ATF7: variants seen among roughly 807,000 people sequenced by gnomAD.
The protein encoded by ATF7 is activating transcription factor 7.
ATF7 carries 10 observed loss-of-function variants against 50.4 expected under a neutral mutation model. The observed-to-expected ratio is 0.20, with a 90% CI of 0.12 to 0.34. The LOEUF is 0.34. ATF7 is among the 10% of genes least tolerant of loss of function. The pLI, the probability that ATF7 is intolerant of heterozygous loss-of-function variation, is 1.00. For synonymous variants in ATF7, 201 were observed against 226.4 expected (o/e 0.89, Z 1.01); for missense variants, 465 against 613.9 (o/e 0.76, Z 2.56).
intron 2 of ATF7, among the ~76,000 whole-genome samples, chr12:53,585,783 C>A (rs1396118512): frequency 6.6e-6 from 1 of 152,038 alleles, no homozygotes; most frequent in Non-Finnish European, 1.5e-5. Flanking sequence ...ACCTTCTGTT[C>A]ATGCGGTGGA....
intron 2 of ATF7, among the ~76,000 whole-genome samples, chr12:53,586,091 G>A (rs1402155043): frequency 6.6e-6 from 1 of 152,176 alleles, no homozygotes; most frequent in Non-Finnish European, 1.5e-5. Context: ...CACAGAAAGT[G>A]AAAGAAGGCT....
intron 1 of ATF7, among the ~76,000 whole-genome samples, chr12:53,608,690 TC>T (rs749079073): frequency 1.3e-5 from 2 of 152,190 alleles, no homozygotes; most frequent in Non-Finnish European, 2.9e-5. Flanking sequence ...GGGCTCTATT[TC>T]TTTATGATAA....
intron 1 of ATF7, among the ~76,000 whole-genome samples, chr12:53,602,736 T>C (rs1943451886): frequency 6.6e-6 from 1 of 152,212 alleles, no homozygotes; most frequent in South Asian, 2.1e-4. Flanking sequence ...TACTGGGAAA[T>C]GAGAGCTTCA....
chr12:53,551,448 C>T (rs1447745099), intron 3 of ATF7, among the ~76,000 whole-genome samples: 2 of 152,346 alleles, frequency 1.3e-5, no homozygotes, highest in East Asian at 3.9e-4. Flanking sequence ...AGGCATGAGC[C>T]ACCACACCTG....
At chr12:53,522,590 G>C (rs368947576) in intron 11 of ATF7, 2 of 150,856 alleles carry the variant, frequency 1.3e-5, no homozygotes, top group East Asian at 3.9e-4. Flanking sequence ...TAGATGTGCC[G>C]GGCGCGGTGG....
intron 2 of ATF7, among the ~76,000 whole-genome samples, chr12:53,597,750 A>G (rs1415727463): frequency 6.6e-6 from 1 of 150,576 alleles, no homozygotes; most frequent in African/African-American, 2.5e-5. Context: ...CGGAGCTTGC[A>G]GTGAGCTGAT....
chr12:53,605,087 T>C (rs1943548761), intron 1 of ATF7, among the ~76,000 whole-genome samples: 3 of 152,092 alleles, frequency 2.0e-5, no homozygotes, highest in Non-Finnish European at 4.4e-5. Context: ...TTAACAGTCT[T>C]AGTAAAAGAT....
intron 9 of ATF7, among the ~76,000 whole-genome samples, chr12:53,531,448 G>A (rs1050544841): frequency 1.3e-5 from 2 of 149,276 alleles, no homozygotes; most frequent in Non-Finnish European, 3.0e-5. Flanking sequence ...AAGCGAGGCC[G>A]CTGCTGCAAC....
intron 9 of ATF7, among the ~76,000 whole-genome samples, chr12:53,527,675 T>C (rs1277839545): frequency 3.3e-5 from 5 of 151,556 alleles, no homozygotes; most frequent in East Asian, 2.0e-4. Context: ...TCCTGGCTAC[T>C]TGGGAGGTGG....
rs1416383212 is a variant in ATF7, at chr12:53,562,456, AT to A, written c.49-9820del. On this transcript the variant is annotated intron_variant, in intron 2 of 11. Coordinates refer to ENST00000420353, the MANE Select transcript of ATF7 (RefSeq NM_006856.3). ...GGAATTCAAGACCAGCCTGGCCAAC[AT>A]GGTGAAACCCCGTCTCTACTTAAAA... Among the ~76,000 whole-genome samples the A allele has an allele frequency of 2.2e-4, 33 of 152,208 alleles. 3 individuals are homozygous for A. In the East Asian group the frequency reaches 5.6e-3, roughly 26 times the overall value.
At chr12:53,561,868 T>G (rs1019301839) in intron 2 of ATF7, among the ~76,000 whole-genome samples, 4 of 152,194 alleles carry the variant, frequency 2.6e-5, no homozygotes, top group Admixed American at 2.0e-4. Context: ...GCTCATATGC[T>G]GCATGTGTGA....
At chr12:53,602,865 A>G (rs1284667006) in intron 1 of ATF7, among the ~76,000 whole-genome samples, 1 of 152,202 alleles carries the variant, frequency 6.6e-6, no homozygotes, top group Non-Finnish European at 1.5e-5. Context: ...AAATACAAGT[A>G]AACAAAAGTA....
chr12:53,542,381 C>T (rs1039476837), intron 4 of ATF7, among the ~76,000 whole-genome samples: 4 of 150,986 alleles, frequency 2.6e-5, no homozygotes, highest in East Asian at 4.0e-4. Context: ...GAGCTGAGAT[C>T]GTGCCACTGC....
chr12:53,594,198 T>C (rs1943059881), intron 2 of ATF7, among the ~76,000 whole-genome samples: 2 of 151,986 alleles, frequency 1.3e-5, no homozygotes, highest in South Asian at 4.1e-4. Context: ...AAGAAGGGAG[T>C]AGGAAAGAGG....
At chr12:53,601,155 C>A in intron 1 of ATF7, 134 bp from the exon 2 acceptor site, 1 of 652,888 alleles carries the variant, frequency 1.5e-6, no homozygotes, top group Non-Finnish European at 2.6e-6. Flanking sequence ...TAAACACAGG[C>A]TACTTTGGGG....
At chr12:53,587,843 A>ATATATATATATATATATATATCTATTT in intron 2 of ATF7, among the ~76,000 whole-genome samples, 1 of 61,570 alleles carries the variant, frequency 1.6e-5, no homozygotes, top group Non-Finnish European at 3.4e-5. Context: ...ATATATATAT[A>ATATATATATATATATATATATCTATTT]TTTTTTTTTT....
chr12:53,557,899 T>C (rs1029470862), intron 2 of ATF7, among the ~76,000 whole-genome samples: 1 of 152,260 alleles, frequency 6.6e-6, no homozygotes, highest in African/African-American at 2.4e-5. Context: ...CATGTCAAAA[T>C]GATACTATTT....
intron 3 of ATF7, among the ~76,000 whole-genome samples, chr12:53,544,467 C>T (rs559495961): frequency 4.6e-5 from 7 of 152,288 alleles, no homozygotes; most frequent in African/African-American, 1.7e-4. Flanking sequence ...CCCTTCTTGG[C>T]TGGGCGCAGT....
chr12:53,610,565 A>AG (rs1491193568), intron 1 of ATF7, among the ~76,000 whole-genome samples: 20 of 125,156 alleles, frequency 1.6e-4, no homozygotes, highest in African/African-American at 7.5e-4. Context: ...ACTCTGTCTC[A>AG]AAAAAAAAAA....
Sources: allele counts gnomAD v4.1 joint callset (sites outside exome capture counted in the v4.1 genomes callset), GRCh38; gene constraint gnomAD v4.1.1; transcripts MANE v1.5; gene names NCBI Gene and HGNC (gene_info 2026-07-23, HGNC 2026-07-21).